Variants in AP3B1 observed in about 807,000 individuals in gnomAD.
AP3B1 encodes adaptor related protein complex 3 subunit beta 1.
A neutral mutation model predicts 132.5 loss-of-function variants in AP3B1; 61 were observed. The ratio of observed to expected loss-of-function variants is 0.46; its 90% CI spans 0.37 to 0.57. AP3B1 has a LOEUF of 0.57. Ranked by LOEUF, AP3B1 falls within the 20% of genes least tolerant of loss-of-function variation. The pLI is 0.00. For synonymous variants in AP3B1, 388 were observed against 438.3 expected (o/e 0.89, Z 1.43); for missense variants, 1,120 against 1,289.4 (o/e 0.87, Z 2.01).
chr5:78,029,623 C>T (rs1203592021), intron 24 of AP3B1, among the ~76,000 whole-genome samples: 1 of 152,140 alleles, frequency 6.6e-6, no homozygotes, highest in Admixed American at 6.5e-5. Context: ...TTTTCCTCTT[C>T]CTCTTGGTTA....
At chr5:78,235,672 G>A (rs533359638) in intron 3 of AP3B1, among the ~76,000 whole-genome samples, 16 of 152,244 alleles carry the variant, frequency 1.1e-4, no homozygotes, top group East Asian at 1.9e-4. Context: ...TTCTCTGATC[G>A]GTTACTTTCA....
chr5:78,202,313 T>C (rs1423075092), intron 7 of AP3B1, among the ~76,000 whole-genome samples: 1 of 152,094 alleles, frequency 6.6e-6, no homozygotes, highest in East Asian at 1.9e-4. Context: ...TAATACACAA[T>C]CCTATATAAA....
At chr5:78,110,376 G>A in intron 19 of AP3B1, 22 bp from the exon 20 acceptor site, 1 of 1,581,502 alleles carries the variant, frequency 6.3e-7, no homozygotes, top group South Asian at 1.1e-5. Flanking sequence ...AGTAAATTTT[G>A]AAATATGAAC....
intron 20 of AP3B1, among the ~76,000 whole-genome samples, chr5:78,104,416 A>G (rs1751251115): frequency 6.6e-6 from 1 of 152,142 alleles, no homozygotes; most frequent in African/African-American, 2.4e-5. Context: ...CTTCCTTTCA[A>G]AGGTCTCAAC....
chr5:78,154,184 C>G (rs1743043449), intron 14 of AP3B1, among the ~76,000 whole-genome samples: 1 of 152,096 alleles, frequency 6.6e-6, no homozygotes, highest in African/African-American at 2.4e-5. Flanking sequence ...CTGGGAAAGT[C>G]TTTATTTCTC....
chr5:78,018,345 G>T (rs1054839464), intron 25 of AP3B1, among the ~76,000 whole-genome samples: 1 of 151,734 alleles, frequency 6.6e-6, no homozygotes, highest in South Asian at 2.1e-4. Flanking sequence ...AAAAAGTTTA[G>T]CCATGAAACC....
At chr5:78,283,755 C>G (rs772196956) in intron 1 of AP3B1, among the ~76,000 whole-genome samples, 1 of 152,220 alleles carries the variant, frequency 6.6e-6, no homozygotes, top group Non-Finnish European at 1.5e-5. Context: ...ATCTGTGTTT[C>G]CAGTATCACA....
chr5:78,108,206 C>G (rs766396953), intron 20 of AP3B1, among the ~76,000 whole-genome samples: 4 of 152,090 alleles, frequency 2.6e-5, no homozygotes, highest in Non-Finnish European at 4.4e-5. Flanking sequence ...AGATATAAGG[C>G]ATATGAATTT....
intron 2 of AP3B1, among the ~76,000 whole-genome samples, chr5:78,246,043 T>C (rs1747366759): frequency 6.6e-6 from 1 of 152,186 alleles, no homozygotes; most frequent in South Asian, 2.1e-4. Flanking sequence ...TAAACTCTCC[T>C]AGGTTCTAAT....
chr5:78,294,355 C>T, intron 1 of AP3B1, 97 bp downstream of exon 1: 1 of 1,581,698 alleles, frequency 6.3e-7, no homozygotes, highest in Non-Finnish European at 8.6e-7. Context: ...GACCTCAGGG[C>T]GACCCCGCTC....
intron 26 of AP3B1, among the ~76,000 whole-genome samples, chr5:78,004,805 G>C (rs539956432): frequency 6.6e-6 from 1 of 152,296 alleles, no homozygotes; most frequent in East Asian, 1.9e-4. Context: ...AGAAGCAATT[G>C]TAAGTAACCA....
intron 26 of AP3B1, among the ~76,000 whole-genome samples, chr5:78,011,459 T>C (rs1561351982): frequency 1.3e-5 from 2 of 152,210 alleles, no homozygotes. Flanking sequence ...TTGGCTCTGA[T>C]CCTATCACTC....
chr5:78,133,178 G>A (rs1752758715), intron 15 of AP3B1, among the ~76,000 whole-genome samples: 1 of 152,158 alleles, frequency 6.6e-6, no homozygotes, highest in Admixed American at 6.5e-5. Flanking sequence ...ATGAAGCATT[G>A]TTAAATACTC....
intron 7 of AP3B1, among the ~76,000 whole-genome samples, chr5:78,205,424 T>C (rs940030519): frequency 2.6e-5 from 4 of 151,780 alleles, no homozygotes; most frequent in Admixed American, 6.6e-5. Flanking sequence ...TGGAATCATA[T>C]ATATATACAT....
chr5:78,089,515 C>T lies in AP3B1; in HGVS notation c.2471-16G>A, dbSNP rs760243722. ...ACTGGGTTAACTGTAAGAAAAGGCCCAAATTAGTAAATGTGCATGAACGTT... is the reference window on the plus strand; with the variant it reads ...ACTGGGTTAACTGTAAGAAAAGGCCTAAATTAGTAAATGTGCATGAACGTT... On this transcript the variant is annotated splice_polypyrimidine_tract_variant and intron_variant, in intron 21 of 26. Transcript: ENST00000255194. 6.6e-7 allele frequency: 1 copy of T among 1,507,894 alleles called. No homozygotes were observed. Among genetic ancestry groups the T allele is most frequent in the Admixed American group, 1.7e-5 (1 of 59,818 alleles). 93.4% of individuals were successfully genotyped at this position (1,507,894 alleles called of 1,614,324 possible). A position where few individuals can be genotyped will look rare whatever the true frequency, so the allele number is the denominator to read the frequency against.
intron 11 of AP3B1, among the ~76,000 whole-genome samples, chr5:78,175,271 G>A (rs1278609872): frequency 6.6e-6 from 1 of 152,170 alleles, no homozygotes; most frequent in Non-Finnish European, 1.5e-5. Flanking sequence ...TATCTCAGTT[G>A]GAAATGCAGA....
chr5:78,118,354 G>A (rs1304976163), intron 17 of AP3B1, among the ~76,000 whole-genome samples: 1 of 152,168 alleles, frequency 6.6e-6, no homozygotes, highest in Non-Finnish European at 1.5e-5. Flanking sequence ...CGCACTGTGC[G>A]CAAGCCGGAG....
chr5:78,072,120 G>C (rs2112164536), intron 22 of AP3B1, among the ~76,000 whole-genome samples: 1 of 152,266 alleles, frequency 6.6e-6, no homozygotes, highest in Non-Finnish European at 1.5e-5. Context: ...CAGGGACACT[G>C]ATATGATGAA....
chr5:78,046,795 C>T (rs1748353359), intron 22 of AP3B1, among the ~76,000 whole-genome samples: 1 of 151,886 alleles, frequency 6.6e-6, no homozygotes, highest in African/African-American at 2.4e-5. Flanking sequence ...GGTGGTTTTG[C>T]TACACCAATC....
Sources: allele counts gnomAD v4.1 joint callset (sites outside exome capture counted in the v4.1 genomes callset), GRCh38; gene constraint gnomAD v4.1.1; transcripts MANE v1.5; gene names NCBI Gene and HGNC (gene_info 2026-07-23, HGNC 2026-07-21).